NRG3: variants seen among roughly 807,000 people sequenced by gnomAD.
The protein encoded by NRG3 is pro-neuregulin-3, membrane-bound isoform.
A neutral mutation model predicts 66.9 loss-of-function variants in NRG3; 31 were observed. The observed-to-expected ratio is 0.46, with a 90% CI of 0.35 to 0.63. The LOEUF is 0.63. Among genes scored for constraint, NRG3 ranks in the 20% least tolerant of loss-of-function variants. The pLI, the probability that NRG3 is intolerant of heterozygous loss-of-function variation, is 0.00. For synonymous variants in NRG3, 393 were observed against 359.4 expected (o/e 1.09, Z -1.06); for missense variants, 910 against 878.9 (o/e 1.04, Z -0.45).
intron 1 of NRG3, among the ~76,000 whole-genome samples, chr10:81,999,465 A>T (rs2061080485): frequency 6.6e-6 from 1 of 152,202 alleles, no homozygotes; most frequent in African/African-American, 2.4e-5. Context: ...TATGATAATG[A>T]CATTTTATTA....
chr10:82,925,658 A>G (rs189769416), intron 4 of NRG3, among the ~76,000 whole-genome samples: 25 of 152,346 alleles, frequency 1.6e-4, no homozygotes, highest in African/African-American at 4.3e-4. Flanking sequence ...TTTTTAATCA[A>G]TCTACGTAGG....
At chr10:82,188,787 G>A (rs12774511) in intron 1 of NRG3, among the ~76,000 whole-genome samples, 1 of 152,062 alleles carries the variant, frequency 6.6e-6, no homozygotes, top group Non-Finnish European at 1.5e-5. Context: ...GGGAAGGGTA[G>A]CGGGAGGCTA....
intron 2 of NRG3, among the ~76,000 whole-genome samples, chr10:82,526,744 G>A (rs1292787052): frequency 2.0e-5 from 3 of 151,876 alleles, no homozygotes; most frequent in Non-Finnish European, 4.4e-5. Context: ...AAACTGATAA[G>A]AAAGAAACAA....
intron 1 of NRG3, among the ~76,000 whole-genome samples, chr10:82,084,956 G>A (rs1201128748): frequency 6.6e-6 from 1 of 152,112 alleles, no homozygotes; most frequent in African/African-American, 2.4e-5. Flanking sequence ...CACACAGGCT[G>A]AAAGACATAT....
chr10:82,180,114 T>G (rs988113114), intron 1 of NRG3, among the ~76,000 whole-genome samples: 1 of 151,870 alleles, frequency 6.6e-6, no homozygotes, highest in Non-Finnish European at 1.5e-5. Context: ...TTGAATTTAT[T>G]TATTAGTTCT....
At chr10:82,300,617 CCT>C (rs1476586729) in intron 1 of NRG3, among the ~76,000 whole-genome samples, 1 of 152,122 alleles carries the variant, frequency 6.6e-6, no homozygotes, top group East Asian at 1.9e-4. Flanking sequence ...TTTGTTTTGC[CCT>C]GTTTGCCGTC....
At chr10:82,475,059 G>GA in intron 2 of NRG3, among the ~76,000 whole-genome samples, 1 of 151,190 alleles carries the variant, frequency 6.6e-6, no homozygotes, top group Admixed American at 6.6e-5. Flanking sequence ...TAAAAACCTC[G>GA]AAAAACAGCA....
chr10:82,348,396 C>G (rs1458411825), intron 1 of NRG3, among the ~76,000 whole-genome samples: 1 of 144,028 alleles, frequency 6.9e-6, no homozygotes, highest in Admixed American at 6.8e-5. Flanking sequence ...AATATTGGCC[C>G]CCACTCTCTT....
intron 1 of NRG3, among the ~76,000 whole-genome samples, chr10:82,286,714 A>G (rs2079439029): frequency 6.6e-6 from 1 of 152,058 alleles, no homozygotes; most frequent in Non-Finnish European, 1.5e-5. Context: ...CAGCCTCCCA[A>G]GTAGCTGGGA....
chr10:82,342,661 G>T (rs2082744132), intron 1 of NRG3, among the ~76,000 whole-genome samples: 1 of 151,950 alleles, frequency 6.6e-6, no homozygotes, highest in Non-Finnish European at 1.5e-5. Flanking sequence ...GTAGATTCCG[G>T]ATATTAGCCC....
chr10:82,532,195 C>T (rs1847333747), intron 2 of NRG3, among the ~76,000 whole-genome samples: 1 of 151,624 alleles, frequency 6.6e-6, no homozygotes, highest in Non-Finnish European at 1.5e-5. Context: ...TTATTGTTAA[C>T]TAATGTTGCC....
rs144065583 is a variant in NRG3 at position 82,780,554 on chromosome 10, T to A, written c.1027+41904T>A. The stretch of plus-strand genomic sequence containing the variant: ...CTATGACAAGAGCTATTTTATTATA[T>A]CTTGTACATTTTGGCTGGTATGTTG... On this transcript the variant is annotated intron_variant, in intron 3 of 8. Transcript: ENST00000372141. 4.4e-4 allele frequency among the ~76,000 whole-genome samples: 66 copies of A among 150,954 alleles called. 1 individual carries two copies. In the East Asian group the frequency reaches 8.7e-3, roughly 20 times the overall value.
intron 1 of NRG3, among the ~76,000 whole-genome samples, chr10:82,027,876 G>T (rs1406541468): frequency 6.6e-6 from 1 of 152,124 alleles, no homozygotes; most frequent in Admixed American, 6.6e-5. Flanking sequence ...ACAGGAGGTG[G>T]AGAGCAGAAT....
At chr10:82,728,884 G>A (rs2057749904) in intron 2 of NRG3, among the ~76,000 whole-genome samples, 1 of 152,114 alleles carries the variant, frequency 6.6e-6, no homozygotes, top group South Asian at 2.1e-4. Context: ...TAGACAAATG[G>A]GGGAGATAGC....
intron 2 of NRG3, among the ~76,000 whole-genome samples, chr10:82,440,273 AC>A (rs2090365661): frequency 6.6e-6 from 1 of 151,452 alleles, no homozygotes; most frequent in Admixed American, 6.6e-5. Context: ...TCCTCTGTGT[AC>A]ATACTTACAT....
intron 1 of NRG3, among the ~76,000 whole-genome samples, chr10:82,059,669 A>G (rs892899829): frequency 1.3e-5 from 2 of 152,106 alleles, no homozygotes; most frequent in South Asian, 2.1e-4. Context: ...GATCGGCGCT[A>G]TGTCAGTGCC....
chr10:82,844,369 G>T (rs1379509986), intron 3 of NRG3, among the ~76,000 whole-genome samples: 3 of 152,176 alleles, frequency 2.0e-5, no homozygotes, highest in Non-Finnish European at 2.9e-5. Context: ...GCAGTGCTGG[G>T]GAAAGGGCTA....
chr10:82,568,998 A>G (rs1279848003), intron 2 of NRG3, among the ~76,000 whole-genome samples: 1 of 151,756 alleles, frequency 6.6e-6, no homozygotes, highest in Non-Finnish European at 1.5e-5. Flanking sequence ...CAGGTTCTCA[A>G]GTTCAAATGC....
intron 3 of NRG3, among the ~76,000 whole-genome samples, chr10:82,754,059 C>T (rs891280356): frequency 6.6e-6 from 1 of 151,634 alleles, no homozygotes; most frequent in Non-Finnish European, 1.5e-5. Flanking sequence ...TGAAATGAAT[C>T]CAGACTTCTT....
Sources: gnomAD v4.1 joint callset for allele counts (sites outside exome capture counted in the v4.1 genomes callset) on GRCh38, gnomAD v4.1.1 for gene constraint, MANE v1.5 for transcripts, NCBI Gene and HGNC (gene_info 2026-07-23, HGNC 2026-07-21) for gene names.